The following METTL15 variants were observed in gnomAD, a reference collection of about 807,000 sequenced individuals.
METTL15 encodes the protein methyltransferase 15, mitochondrial 12S rRNA N4-cytidine.
In METTL15, 34 loss-of-function variants were observed where a neutral mutation model predicts 38.3. The ratio of observed to expected loss-of-function variants is 0.89; its 90% CI spans 0.68 to 1.18. METTL15 has a LOEUF of 1.18. Ranked by LOEUF, METTL15 falls within the 50% of genes most tolerant of loss-of-function variation. METTL15 has a pLI of 0.00. For missense variants in METTL15, 438 were observed against 498.4 expected (o/e 0.88, Z 1.15); for synonymous variants, 162 against 170.9 (o/e 0.95, Z 0.41).
At chr11:28,497,207 T>TGA (rs1851542039) in intron 6 of METTL15, among the ~76,000 whole-genome samples, 1 of 152,238 alleles carries the variant, frequency 6.6e-6, no homozygotes, top group Non-Finnish European at 1.5e-5. Flanking sequence ...TCTTTAGCTT[T>TGA]GTATCTACAA....
At chr11:28,375,866 G>C (rs1455956367) in intron 5 of METTL15, among the ~76,000 whole-genome samples, 2 of 151,406 alleles carry the variant, frequency 1.3e-5, no homozygotes, top group Non-Finnish European at 3.0e-5. Context: ...GGTATGTTGT[G>C]TCTTTGTTCT....
At chr11:28,282,032 A>G (rs557556631) in intron 4 of METTL15, among the ~76,000 whole-genome samples, 1 of 152,226 alleles carries the variant, frequency 6.6e-6, no homozygotes, top group South Asian at 2.1e-4. Context: ...ATCAGTTTTT[A>G]AAAAGTATTT....
intron 3 of METTL15, among the ~76,000 whole-genome samples, chr11:28,151,587 C>A (rs553268680): frequency 6.6e-6 from 1 of 152,110 alleles, no homozygotes; most frequent in South Asian, 2.1e-4. Context: ...TCCATTCTTT[C>A]TTCCATGATG....
intron 5 of METTL15, among the ~76,000 whole-genome samples, chr11:28,416,099 C>T (rs918622687): frequency 1.3e-5 from 2 of 152,228 alleles, no homozygotes; most frequent in Admixed American, 6.5e-5. Context: ...CAATAGACTT[C>T]TCTGGGTTTC....
downstream of METTL15, among the ~76,000 whole-genome samples, chr11:28,337,035 A>C (rs922734453): frequency 6.6e-6 from 1 of 152,136 alleles, no homozygotes; most frequent in Non-Finnish European, 1.5e-5. Context: ...CATCTAGGCT[A>C]ATGTGTGCAT....
intron 6 of METTL15, among the ~76,000 whole-genome samples, chr11:28,424,527 T>G (rs1186777230): frequency 6.6e-6 from 1 of 152,150 alleles, no homozygotes; most frequent in Non-Finnish European, 1.5e-5. Flanking sequence ...CTACACATAA[T>G]CCCTTCAGAA....
At chr11:28,200,052 A>G (rs566907863) in intron 3 of METTL15, among the ~76,000 whole-genome samples, 2 of 152,242 alleles carry the variant, frequency 1.3e-5, no homozygotes, top group African/African-American at 4.8e-5. Context: ...GGTGCATAGT[A>G]ATTGCATAGT....
intron 6 of METTL15, among the ~76,000 whole-genome samples, chr11:28,486,484 T>A (rs1851440567): frequency 6.6e-6 from 1 of 151,856 alleles, no homozygotes; most frequent in Non-Finnish European, 1.5e-5. Context: ...AGATACTGAG[T>A]GGACTTCTAT....
At chr11:28,304,306 G>T (rs553126628) in intron 6 of METTL15, among the ~76,000 whole-genome samples, 1 of 152,248 alleles carries the variant, frequency 6.6e-6, no homozygotes, top group African/African-American at 2.4e-5. Flanking sequence ...ACATGTTAAG[G>T]TATATCTTTC....
chr11:28,312,539 A>G (rs1484796977), intron 6 of METTL15, among the ~76,000 whole-genome samples: 1 of 147,736 alleles, frequency 6.8e-6, no homozygotes, highest in Non-Finnish European at 1.5e-5. Context: ...CCAAGCCAAT[A>G]TGCTGTATTG....
rs933945076 is a variant in METTL15, at chr11:28,166,393, A to G, written c.271-44669A>G. Among the ~76,000 whole-genome samples the G allele has an allele frequency of 6.6e-5, 10 of 152,302 alleles. 1 individual carries two copies. Among genetic ancestry groups the G allele is most frequent in the South Asian group, 6.2e-4 (3 of 4,828 alleles). On this transcript the variant is annotated intron_variant, in intron 3 of 6. Coordinates refer to ENST00000407364, the MANE Select transcript of METTL15 (RefSeq NM_001113528.2). ...TGTGAATTTATGGTTTCATTTGGTT[A>G]GTCTGGAAAGCAATGTAGGTACACA...
In METTL15 at chr11:28,378,313, G is replaced by T. The variant is rs758762343; in HGVS notation, c.*358+16277G>T. On this transcript the variant is annotated intron_variant and NMD_transcript_variant, in intron 5 of 7. Coordinates refer to the METTL15 transcript ENST00000532947. ...CTGTGCTAGCAATCAGCGATACTCC[G>T]TGGGGTAGGACCCTCTGAGCCAGGT... is the stretch of plus-strand genomic sequence containing the variant. Among the ~76,000 whole-genome samples, 29 of 152,322 alleles carry T rather than the reference G, an allele frequency of 1.9e-4. 1 individual carries two copies. Among genetic ancestry groups the T allele is most frequent in the African/African-American group, 6.7e-4 (28 of 41,586 alleles).
At chr11:28,512,140 CCA>C (rs1249706187) in intron 6 of METTL15, among the ~76,000 whole-genome samples, 14 of 152,112 alleles carry the variant, frequency 9.2e-5, no homozygotes, top group Non-Finnish European at 1.5e-4. Flanking sequence ...TATGGAGTGT[CCA>C]CACAAAGGTT....
At chr11:28,138,826 G>T (rs1345287180) in intron 3 of METTL15, among the ~76,000 whole-genome samples, 2 of 152,144 alleles carry the variant, frequency 1.3e-5, no homozygotes, top group African/African-American at 4.8e-5. Flanking sequence ...CCAGTTTGCT[G>T]GTTGGCTTGA....
chr11:28,460,285 C>G (rs911679860), intron 6 of METTL15, among the ~76,000 whole-genome samples: 4 of 152,014 alleles, frequency 2.6e-5, no homozygotes, highest in African/African-American at 9.7e-5. Context: ...TTACCAATAT[C>G]TATTTCTACC....
intron 4 of METTL15, among the ~76,000 whole-genome samples, chr11:28,250,886 C>CT (rs34577904): frequency 6.6e-6 from 1 of 151,922 alleles, no homozygotes; most frequent in Non-Finnish European, 1.5e-5. Context: ...AATTTGAGCC[C>CT]TTTTTTTCCC....
intron 6 of METTL15, among the ~76,000 whole-genome samples, chr11:28,518,067 C>T (rs1183847210): frequency 6.6e-6 from 1 of 152,100 alleles, no homozygotes; most frequent in African/African-American, 2.4e-5. Context: ...TCCCTATTGA[C>T]TGGGAAGAAG....
intron 6 of METTL15, among the ~76,000 whole-genome samples, chr11:28,503,834 A>G (rs1304950853): frequency 6.6e-6 from 1 of 151,922 alleles, no homozygotes; most frequent in Non-Finnish European, 1.5e-5. Context: ...GCCAGATTCT[A>G]TAGCTCATAT....
intron 2 of METTL15, among the ~76,000 whole-genome samples, chr11:28,110,806 T>G (rs940428040): frequency 6.6e-6 from 1 of 152,202 alleles, no homozygotes; most frequent in African/African-American, 2.4e-5. Context: ...GTTTTCACAA[T>G]TAAAAGAGTA....
Sources: gnomAD v4.1 joint callset for allele counts (sites outside exome capture counted in the v4.1 genomes callset) on GRCh38, gnomAD v4.1.1 for gene constraint, MANE v1.5 for transcripts, NCBI Gene and HGNC (gene_info 2026-07-23, HGNC 2026-07-21) for gene names.